ATP10B: variants seen among roughly 807,000 people sequenced by gnomAD.
The protein encoded by ATP10B is phospholipid-transporting ATPase VB.
In ATP10B, 122 loss-of-function variants were observed where a neutral mutation model predicts 141.2. That is an observed-to-expected ratio of 0.86 (90% confidence interval 0.75 to 1.00). The LOEUF is 1.00. Ranked by LOEUF, ATP10B falls within the 50% of genes least tolerant of loss-of-function variation. ATP10B has a pLI of 0.00. For synonymous variants in ATP10B, 685 were observed against 692.0 expected, an observed-to-expected ratio of 0.99 and a Z score of 0.16; for missense variants, 1,876 against 1,825.3, an observed-to-expected ratio of 1.03 and a Z score of -0.51.
chr5:160,883,774 A>C, the ATP10B span, among the ~76,000 whole-genome samples: 142 of 152,316 alleles, frequency 9.3e-4, no homozygotes, highest in Non-Finnish European at 1.6e-3. Context: ...AGATTAAAGG[A>C]GTTTAAAGAG....
intron 18 of ATP10B, among the ~76,000 whole-genome samples, chr5:160,608,264 T>A (rs1000654901): frequency 3.9e-5 from 6 of 152,212 alleles, no homozygotes; most frequent in Admixed American, 2.6e-4. Flanking sequence ...TGAACTCATC[T>A]GTTTTTATGG....
Position 160,620,908 on chromosome 5 carries a change from C to T in ATP10B, c.1855G>A (p.Glu619Lys). The stretch of plus-strand genomic sequence containing the variant: ...TTCTGGAAGAGCTGCTGAATCTTCT[C>T]CAGGGACGTCCCCAGAGCCTTGCTT... ...PSSKALGTSL[E>K]KIQQLFQKLK... Residue 619 changes from glutamate to lysine, a missense_variant, in exon 15 of 26, where the codon GAG (glutamate) becomes AAG (lysine). Physicochemically the swap from Glu to Lys is moderately conservative, Grantham distance 56. Transcript: ENST00000327245. 1 of 1,614,094 alleles carries T rather than the reference C, an allele frequency of 6.2e-7. No individual in the cohort carries two copies. The highest frequency in any genetic ancestry group is 8.5e-7 in the Non-Finnish European group (1 of 1,180,018).
In ATP10B at chr5:160,752,362, G is replaced by C. The variant is rs535320543; in HGVS notation, c.-331+33197C>G. On this transcript the variant is annotated intron_variant, in intron 2 of 25. Transcript: ENST00000327245. ...AGGTTACAGAAGCAGCTTGTGACAGGCTTAATGAGGACCTAGGTCTGCAAA... is the reference window on the plus strand; with the variant it reads ...AGGTTACAGAAGCAGCTTGTGACAGCCTTAATGAGGACCTAGGTCTGCAAA... Among the ~76,000 whole-genome samples the C allele has an allele frequency of 1.4e-4, 22 of 152,156 alleles. No individual in the cohort carries two copies. In the South Asian group the frequency reaches 2.3e-3, roughly 16 times the overall value.
chr5:160,663,051 G>C (rs368891061), intron 7 of ATP10B, among the ~76,000 whole-genome samples: 82 of 152,278 alleles, frequency 5.4e-4, no homozygotes, highest in East Asian at 1.5e-3. Context: ...CTCATCATCA[G>C]TGGCCATCAG....
intron 13 of ATP10B, among the ~76,000 whole-genome samples, chr5:160,630,749 T>C (rs191087994): frequency 6.6e-6 from 1 of 152,340 alleles, no homozygotes; most frequent in African/African-American, 2.4e-5. Context: ...ATTTCACTTG[T>C]GTATTTATGA....
At chr5:160,785,123 A>G (rs1771039261) in intron 2 of ATP10B, among the ~76,000 whole-genome samples, 1 of 152,186 alleles carries the variant, frequency 6.6e-6, no homozygotes, top group Non-Finnish European at 1.5e-5. Flanking sequence ...TGAAGAGGTC[A>G]TAATCCAAGT....
At position 160,622,152 on chromosome 5, in the gene ATP10B, T is replaced by C. The variant is rs540373542; in HGVS notation, c.1812+242A>G. Among the ~76,000 whole-genome samples the C allele has an allele frequency of 3.9e-4, 59 of 152,334 alleles. No individual in the cohort carries two copies. In the South Asian group the frequency reaches 7.9e-3, roughly 20 times the overall value. On this transcript the variant is annotated intron_variant, in intron 14 of 25. Transcript: ENST00000327245. The stretch of plus-strand genomic sequence containing the variant: ...CTCTTAATGTCTACCTGCAGACACA[T>C]AGACAAAGTTTGAAAGCTACACAGA...
At chr5:160,592,149 C>T (rs767022117) in intron 22 of ATP10B, among the ~76,000 whole-genome samples, 26 of 152,160 alleles carry the variant, frequency 1.7e-4, no homozygotes, top group Non-Finnish European at 3.2e-4. Context: ...CTCAGGCCTG[C>T]CTTAGTCTAT....
At chr5:160,693,435 C>CAT (rs1212219021) in intron 3 of ATP10B, among the ~76,000 whole-genome samples, 2 of 151,422 alleles carry the variant, frequency 1.3e-5, no homozygotes, top group African/African-American at 4.9e-5. Context: ...CACACACACA[C>CAT]ACACACACAC....
At chr5:160,579,129 G>A (rs186422142) in intron 24 of ATP10B, among the ~76,000 whole-genome samples, 1 of 152,264 alleles carries the variant, frequency 6.6e-6, no homozygotes, top group African/African-American at 2.4e-5. Flanking sequence ...TAGGTTGCCT[G>A]TTCATTCTGA....
chr5:160,587,195 C>T (rs1409774143), intron 24 of ATP10B, among the ~76,000 whole-genome samples: 2 of 152,162 alleles, frequency 1.3e-5, no homozygotes, highest in South Asian at 4.2e-4. Context: ...TTTCCCAGTA[C>T]CATTTATTAA....
At chr5:160,897,696 A>C in the ATP10B span, among the ~76,000 whole-genome samples, 1 of 152,248 alleles carries the variant, frequency 6.6e-6, no homozygotes, top group African/African-American at 2.4e-5. Context: ...ACTACTTTAA[A>C]TTTCATATGG....
At chr5:160,622,038 A>G (rs1191798346) in intron 14 of ATP10B, among the ~76,000 whole-genome samples, 2 of 152,094 alleles carry the variant, frequency 1.3e-5, no homozygotes, top group Non-Finnish European at 2.9e-5. Flanking sequence ...TGCCTCATAG[A>G]GTTGCTGGGT....
At chr5:160,782,435 CCATACA>C (rs751672429) in intron 2 of ATP10B, among the ~76,000 whole-genome samples, 2 of 96,830 alleles carry the variant, frequency 2.1e-5, no homozygotes, top group African/African-American at 7.3e-5. Flanking sequence ...TTTTCTTCCT[CCATACA>C]CACACACACA....
intron 3 of ATP10B, among the ~76,000 whole-genome samples, chr5:160,706,189 G>A (rs1387614517): frequency 1.3e-5 from 2 of 152,154 alleles, no homozygotes; most frequent in African/African-American, 4.8e-5. Context: ...AAATGACAAG[G>A]TTTAAAATAT....
chr5:160,573,262 C>T (rs1754990610), intron 24 of ATP10B, among the ~76,000 whole-genome samples: 1 of 152,168 alleles, frequency 6.6e-6, no homozygotes, highest in Non-Finnish European at 1.5e-5. Flanking sequence ...AGGCAGCTGT[C>T]CAGGAAGGAA....
At chr5:160,698,150 A>G (rs1764476130) in intron 3 of ATP10B, among the ~76,000 whole-genome samples, 1 of 152,054 alleles carries the variant, frequency 6.6e-6, no homozygotes, top group Non-Finnish European at 1.5e-5. Context: ...AGGTATTTCA[A>G]CTTTAACATT....
At chr5:160,828,773 C>T (rs1774828875) in intron 1 of ATP10B, among the ~76,000 whole-genome samples, 2 of 151,602 alleles carry the variant, frequency 1.3e-5, no homozygotes, top group African/African-American at 4.9e-5. Flanking sequence ...TTTATTGCGG[C>T]ACTATTCACA....
chr5:160,630,129 C>T (rs1170531829), intron 13 of ATP10B, among the ~76,000 whole-genome samples: 2 of 152,230 alleles, frequency 1.3e-5, no homozygotes, highest in African/African-American at 4.8e-5. Flanking sequence ...TAAGAGTATA[C>T]TTAGCTGTTC....
Sources: allele counts gnomAD v4.1 joint callset (sites outside exome capture counted in the v4.1 genomes callset), GRCh38; gene constraint gnomAD v4.1.1; transcripts MANE v1.5; gene names NCBI Gene and HGNC (gene_info 2026-07-23, HGNC 2026-07-21).